NNT: variants seen among roughly 807,000 people sequenced by gnomAD.
NNT encodes nicotinamide nucleotide transhydrogenase.
NNT carries 50 observed loss-of-function variants against 104.8 expected under a neutral mutation model. The observed-to-expected ratio is 0.48, with a 90% CI of 0.38 to 0.60. The LOEUF (loss-of-function observed/expected upper bound fraction) is 0.60. Ranked by LOEUF, NNT falls within the 20% of genes least tolerant of loss-of-function variation. The probability of loss-of-function intolerance (pLI) is 0.00; values close to 1 mark genes in which losing one functional copy is unlikely to be tolerated. For synonymous variants in NNT, 461 were observed against 490.4 expected (o/e 0.94, Z 0.79); for missense variants, 1,131 against 1,330.7 (o/e 0.85, Z 2.33).
At chr5:43,684,224 T>C (rs1396507004) in intron 19 of NNT, among the ~76,000 whole-genome samples, 2 of 152,020 alleles carry the variant, frequency 1.3e-5, no homozygotes, top group Non-Finnish European at 2.9e-5. Flanking sequence ...ATAATTTTTT[T>C]TTTTTTTTTC....
At chr5:43,629,435 A>ATGTGTATG (rs1750558802) in intron 7 of NNT, among the ~76,000 whole-genome samples, 1 of 152,168 alleles carries the variant, frequency 6.6e-6, no homozygotes, top group Non-Finnish European at 1.5e-5. Flanking sequence ...GCTGCTATAA[A>ATGTGTATG]CATGTGTATG....
At chr5:43,633,383 A>T (rs1203715415) in intron 7 of NNT, among the ~76,000 whole-genome samples, 2 of 152,190 alleles carry the variant, frequency 1.3e-5, no homozygotes, top group African/African-American at 4.8e-5. Flanking sequence ...TTATCTCCTC[A>T]AATGGGCCAA....
chr5:43,650,740 A>G (rs564407364), intron 12 of NNT, among the ~76,000 whole-genome samples, 153 bp downstream of exon 12: 2 of 152,334 alleles, frequency 1.3e-5, no homozygotes, highest in South Asian at 2.1e-4. Flanking sequence ...TATTTTGCCC[A>G]TCTGTAATTT....
chr5:43,636,371 A>G (rs1362771602), intron 7 of NNT, among the ~76,000 whole-genome samples: 1 of 152,294 alleles, frequency 6.6e-6, no homozygotes, highest in Non-Finnish European at 1.5e-5. Context: ...TTACATAACC[A>G]GTATTTATTG....
intron 1 of NNT, among the ~76,000 whole-genome samples, chr5:43,608,388 C>T (rs189366403): frequency 9.2e-5 from 14 of 152,284 alleles, no homozygotes; most frequent in East Asian, 3.9e-4. Flanking sequence ...TGACACTTCA[C>T]GCAGCCTGGT....
chr5:43,674,669 C>A (rs867094486), intron 17 of NNT, among the ~76,000 whole-genome samples: 71 of 152,172 alleles, frequency 4.7e-4, no homozygotes, highest in Non-Finnish European at 7.4e-5. Flanking sequence ...TTACTCAGAA[C>A]AACTAGTTTT....
intron 19 of NNT, among the ~76,000 whole-genome samples, chr5:43,698,883 A>G (rs1742703298): frequency 1.3e-5 from 2 of 148,848 alleles, no homozygotes; most frequent in Non-Finnish European, 3.0e-5. Context: ...TAGACTATAT[A>G]TATATATACA....
chr5:43,679,597 G>A (rs1741595344), intron 19 of NNT, among the ~76,000 whole-genome samples: 1 of 152,184 alleles, frequency 6.6e-6, no homozygotes, highest in African/African-American at 2.4e-5. Context: ...AAGGAAAAAG[G>A]ATAAGACAAA....
chr5:43,666,892 T>G, intron 17 of NNT: 1 of 1,554,824 alleles, frequency 6.4e-7, no homozygotes, highest in Non-Finnish European at 8.8e-7. Flanking sequence ...CCTGGGCCCC[T>G]TGGCAATACA....
intron 19 of NNT, among the ~76,000 whole-genome samples, chr5:43,680,223 A>G (rs887178948): frequency 3.9e-5 from 6 of 152,044 alleles, no homozygotes; most frequent in Non-Finnish European, 7.4e-5. Flanking sequence ...GAGAAATGCA[A>G]ATTTTCTTTA....
At chr5:43,669,298 C>T (rs1740908665) in intron 17 of NNT, among the ~76,000 whole-genome samples, 1 of 152,042 alleles carries the variant, frequency 6.6e-6, no homozygotes, top group African/African-American at 2.4e-5. Flanking sequence ...ATTGCCCTGG[C>T]CAGAACTTCC....
At position 43,613,121 on chromosome 5, in the gene NNT, CT is replaced by C; in HGVS notation, c.366del (p.Asp123IlefsTer15). ...QIQGAKEVLA[S>X]DLVVKVRAPM... The stretch of plus-strand genomic sequence containing the variant: ...CAAGGGGCAAAGGAAGTGCTGGCTT[CT>C]GATTTGGTGGTCAAAGTAATTATTC... On this transcript the variant is annotated frameshift_variant, in exon 3 of 22. Coordinates refer to ENST00000344920, the MANE Select transcript of NNT (RefSeq NM_182977.3). LOFTEE classifies it high-confidence loss of function. 6.2e-7 allele frequency: 1 copy of C among 1,612,966 alleles called. No individual in the cohort carries two copies. The highest frequency in any genetic ancestry group is 8.5e-7 in the Non-Finnish European group (1 of 1,179,222).
intron 15 of NNT, 21 bp from the exon 16 acceptor site, chr5:43,656,628 GTAAC>G: frequency 2.5e-6 from 4 of 1,578,886 alleles, no homozygotes; most frequent in Non-Finnish European, 3.4e-6. Flanking sequence ...ATTCTGAATT[GTAAC>G]TACTATGTGC....
intron 11 of NNT, among the ~76,000 whole-genome samples, chr5:43,649,639 G>A (rs2111878501): frequency 6.6e-6 from 1 of 150,792 alleles, no homozygotes; most frequent in South Asian, 2.1e-4. Flanking sequence ...GTGTTCCACA[G>A]AATCATAGCT....
chr5:43,660,859 G>T (rs1278358915), intron 17 of NNT, among the ~76,000 whole-genome samples: 23 of 152,212 alleles, frequency 1.5e-4, no homozygotes, highest in African/African-American at 3.6e-4. Context: ...GTGGCATGTG[G>T]GGATTACAAT....
chr5:43,609,131 CTTTT>C lies in NNT; in HGVS notation c.-53-9_-53-6del. On this transcript the variant is annotated splice_region_variant and splice_polypyrimidine_tract_variant and intron_variant, in intron 1 of 21. Transcript: ENST00000344920. ...TCTTGGCATATATACATCCTATTTT[CTTTT>C]TTCTTAGTGATTTGCCTTCAAGGAA... is the stretch of plus-strand genomic sequence containing the variant. 2.9e-6 allele frequency: 4 copies of C among 1,365,330 alleles called. No homozygotes were observed. The highest frequency in any genetic ancestry group is 4.1e-6 in the Non-Finnish European group (4 of 983,898). 84.6% of individuals were successfully genotyped at this position (1,365,330 alleles called of 1,614,324 possible). A position where few individuals can be genotyped will look rare whatever the true frequency, so the allele number is the denominator to read the frequency against.
intron 19 of NNT, among the ~76,000 whole-genome samples, chr5:43,698,933 T>G (rs1742707167): frequency 6.6e-6 from 1 of 151,364 alleles, no homozygotes; most frequent in African/African-American, 2.4e-5. Context: ...AGTAATGGAT[T>G]AGACCTTAGA....
intron 19 of NNT, among the ~76,000 whole-genome samples, chr5:43,688,325 C>T (rs1302240599): frequency 6.6e-6 from 1 of 151,832 alleles, no homozygotes; most frequent in Non-Finnish European, 1.5e-5. Flanking sequence ...GGTGATGTAG[C>T]CCCCCCACCA....
chr5:43,655,371 C>T (rs1208842466), intron 14 of NNT, among the ~76,000 whole-genome samples: 1 of 152,090 alleles, frequency 6.6e-6, no homozygotes, highest in African/African-American at 2.4e-5. Context: ...ATCCGAAAAT[C>T]CAAAATGCTC....
Sources: allele counts gnomAD v4.1 joint callset (sites outside exome capture counted in the v4.1 genomes callset), GRCh38; gene constraint gnomAD v4.1.1; transcripts MANE v1.5; gene names NCBI Gene and HGNC (gene_info 2026-07-23, HGNC 2026-07-21).